The following AGBL1 variants were observed in gnomAD, a reference collection of about 807,000 sequenced individuals.
AGBL1 encodes cytosolic carboxypeptidase 4.
Under a neutral mutation model 118.9 loss-of-function variants are expected in AGBL1, and 130 were observed. The ratio of observed to expected loss-of-function variants is 1.09; its 90% CI spans 0.95 to 1.26. The LOEUF is 1.26. AGBL1 is among the 50% of genes most tolerant of loss of function. AGBL1 has a pLI of 0.00. For synonymous variants in AGBL1, 555 were observed against 478.9 expected, an observed-to-expected ratio of 1.16 and a Z score of -2.08; for missense variants, 1,584 against 1,298.1, an observed-to-expected ratio of 1.22 and a Z score of -3.38.
intron 14 of AGBL1, 46 bp downstream of exon 14, chr15:86,270,113 T>C (rs1176778453): frequency 6.4e-7 from 1 of 1,563,926 alleles, no homozygotes; most frequent in Non-Finnish European, 8.7e-7. Context: ...ATGCCAGGAA[T>C]GACATTTCTT....
chr15:86,947,041 C>G (rs115581314), intron 23 of AGBL1, among the ~76,000 whole-genome samples: 1,725 of 152,198 alleles, frequency 0.011, 35 homozygotes, highest in African/African-American at 0.039. Context: ...TGCAAGCACA[C>G]AAACCTATCC....
At chr15:86,934,542 A>AG (rs890629511) in intron 23 of AGBL1, among the ~76,000 whole-genome samples, 16 of 151,828 alleles carry the variant, frequency 1.1e-4, no homozygotes, top group Non-Finnish European at 1.9e-4. Flanking sequence ...GTTAAAAAAA[A>AG]AAAGTAAATA....
rs552257118 is a variant in AGBL1 at position 86,544,844 on chromosome 15, A to G, written c.2686-1158A>G. 2.6e-5 allele frequency among the ~76,000 whole-genome samples: 4 copies of G among 152,322 alleles called. No individual in the cohort carries two copies. The South Asian group carries it at 8.3e-4, about 32-fold the overall frequency. ...CTCTACCTATTGATGAAGATGAAAC[A>G]TAGTCTACTGCAAAGGGTCATGCAT... On this transcript the variant is annotated intron_variant, in intron 19 of 22. Coordinates refer to ENST00000614907, the MANE Select transcript of AGBL1 (RefSeq NM_001386094.1).
At chr15:86,630,867 T>G (rs2084951856) in intron 21 of AGBL1, among the ~76,000 whole-genome samples, 2 of 152,222 alleles carry the variant, frequency 1.3e-5, no homozygotes, top group South Asian at 4.1e-4. Context: ...TTCTTGGATC[T>G]GTTCAAACCC....
intron 16 of AGBL1, among the ~76,000 whole-genome samples, chr15:86,287,763 G>A (rs2079477775): frequency 6.6e-6 from 1 of 152,156 alleles, no homozygotes; most frequent in Non-Finnish European, 1.5e-5. Context: ...AAGAGAGAGA[G>A]AGAGTGAGCT....
chr15:86,662,051 T>C (rs1005699515), intron 21 of AGBL1, among the ~76,000 whole-genome samples: 21 of 152,350 alleles, frequency 1.4e-4, no homozygotes, highest in African/African-American at 5.0e-4. Flanking sequence ...ATATCACTTC[T>C]GAATACTTGG....
intron 21 of AGBL1, among the ~76,000 whole-genome samples, chr15:86,596,960 A>G (rs1273569096): frequency 1.3e-5 from 2 of 152,196 alleles, no homozygotes; most frequent in Admixed American, 6.5e-5. Context: ...AGTATTGTGT[A>G]CCTAAAATAT....
intron 1 of AGBL1, among the ~76,000 whole-genome samples, chr15:86,131,339 G>A (rs1272195317): frequency 6.6e-6 from 1 of 152,162 alleles, no homozygotes; most frequent in African/African-American, 2.4e-5. Context: ...TGGTACACAT[G>A]ACAAAGCATT....
intron 5 of AGBL1, among the ~76,000 whole-genome samples, chr15:86,166,587 G>C (rs1384019332): frequency 1.3e-5 from 2 of 152,132 alleles, no homozygotes; most frequent in Non-Finnish European, 2.9e-5. Context: ...TCACCTTTGA[G>C]GTGTTCTCTA....
chr15:86,811,285 T>C (rs561213357), intron 22 of AGBL1, among the ~76,000 whole-genome samples: 1 of 152,220 alleles, frequency 6.6e-6, no homozygotes, highest in African/African-American at 2.4e-5. Context: ...GAAATATCAC[T>C]CTGGTAAAAT....
chr15:86,206,599 G>A (rs2077996496), intron 5 of AGBL1, among the ~76,000 whole-genome samples: 1 of 152,208 alleles, frequency 6.6e-6, no homozygotes. Context: ...TCTTTTGGCT[G>A]CATAAATGTC....
intron 21 of AGBL1, among the ~76,000 whole-genome samples, chr15:86,667,242 G>GTATC (rs1331835283): frequency 2.1e-4 from 24 of 112,940 alleles, no homozygotes; most frequent in African/African-American, 6.0e-4. Flanking sequence ...ATGTATGTAT[G>GTATC]TATGTATGTA....
chr15:86,174,307 CTT>C (rs1199565664), intron 5 of AGBL1, among the ~76,000 whole-genome samples: 1 of 152,040 alleles, frequency 6.6e-6, no homozygotes, highest in Non-Finnish European at 1.5e-5. Context: ...TATCCTGAGA[CTT>C]TACTGAATTC....
chr15:86,293,540 C>G (rs1017798239), intron 16 of AGBL1, among the ~76,000 whole-genome samples: 2 of 152,174 alleles, frequency 1.3e-5, no homozygotes, highest in Admixed American at 6.5e-5. Context: ...CACAACTGGA[C>G]AGTGCAGGAC....
At chr15:87,004,061 G>T (rs960663237) in intron 24 of AGBL1, among the ~76,000 whole-genome samples, 1 of 152,082 alleles carries the variant, frequency 6.6e-6, no homozygotes, top group African/African-American at 2.4e-5. Context: ...TGATGTTAGG[G>T]TATCAATTTT....
intron 21 of AGBL1, among the ~76,000 whole-genome samples, chr15:86,564,802 C>A (rs1250946750): frequency 6.6e-6 from 1 of 152,164 alleles, no homozygotes; most frequent in Admixed American, 6.5e-5. Flanking sequence ...TCACATAGTC[C>A]CATATTTCTT....
At chr15:86,568,715 T>A (rs540014269) in intron 21 of AGBL1, among the ~76,000 whole-genome samples, 134 of 152,294 alleles carry the variant, frequency 8.8e-4, no homozygotes, top group Admixed American at 2.1e-3. Flanking sequence ...ACCTACTGAA[T>A]CTGCATTTTA....
chr15:86,179,847 G>C (rs941736674), intron 5 of AGBL1, among the ~76,000 whole-genome samples: 2 of 152,094 alleles, frequency 1.3e-5, no homozygotes, highest in African/African-American at 4.8e-5. Flanking sequence ...AGTTTACCAA[G>C]GTTCCAGGAT....
At chr15:86,616,757 A>G (rs1156759026) in intron 21 of AGBL1, among the ~76,000 whole-genome samples, 1 of 152,214 alleles carries the variant, frequency 6.6e-6, no homozygotes, top group Non-Finnish European at 1.5e-5. Context: ...TTTCAGACAT[A>G]TACTTCGCTT....
Sources: allele counts gnomAD v4.1 joint callset (sites outside exome capture counted in the v4.1 genomes callset), GRCh38; gene constraint gnomAD v4.1.1; transcripts MANE v1.5; gene names NCBI Gene and HGNC (gene_info 2026-07-23, HGNC 2026-07-21).